Variants in SHISA6 observed in about 807,000 individuals in gnomAD.
SHISA6 encodes shisa family member 6, also known as protein shisa-6.
In SHISA6, 22 loss-of-function variants were observed where a neutral mutation model predicts 47.9. That is an observed-to-expected ratio of 0.46 (90% confidence interval 0.33 to 0.66). The LOEUF (loss-of-function observed/expected upper bound fraction) is 0.66, where lower values mean the gene tolerates loss of function less well. SHISA6 is among the 30% of genes least tolerant of loss of function. The pLI, the probability that SHISA6 is intolerant of heterozygous loss-of-function variation, is 0.02. For synonymous variants in SHISA6, 388 were observed against 337.8 expected (o/e 1.15, Z -1.63); for missense variants, 680 against 764.6 (o/e 0.89, Z 1.30).
chr17:11,278,026 G>A (rs973801148), intron 2 of SHISA6, among the ~76,000 whole-genome samples: 9 of 152,154 alleles, frequency 5.9e-5, no homozygotes, highest in African/African-American at 2.2e-4. Flanking sequence ...TTAATGATTT[G>A]TGTCACAGTG....
At chr17:11,355,699 A>T (rs539654216) in intron 2 of SHISA6, among the ~76,000 whole-genome samples, 10 of 152,374 alleles carry the variant, frequency 6.6e-5, no homozygotes, top group African/African-American at 2.4e-4. Context: ...AACTCAATTG[A>T]AAACTGGCTG....
intron 3 of SHISA6, 88 bp from the exon 4 acceptor site, chr17:11,551,808 A>T (rs2071934077): frequency 8.5e-7 from 1 of 1,174,104 alleles, no homozygotes; most frequent in South Asian, 1.3e-5. Context: ...AGAGAAGCAC[A>T]TTAGAGGTAA....
At position 11,281,516 on chromosome 17, in the gene SHISA6, A is replaced by G. The variant is rs188486381; in HGVS notation, c.799+17990A>G. Among the ~76,000 whole-genome samples the G allele has an allele frequency of 8.6e-4, 131 of 152,266 alleles. No homozygotes were observed. The Middle Eastern group carries it at 0.01, about 12-fold the overall frequency. On this transcript the variant is annotated intron_variant, in intron 2 of 5. Transcript: ENST00000441885. Reference sequence around the variant, plus strand: ...AAGATAAATCTTACTTGGTCATAATATCTTACCATTTTTATATATTATTAT... The same window carrying G: ...AAGATAAATCTTACTTGGTCATAATGTCTTACCATTTTTATATATTATTAT...
intron 3 of SHISA6, among the ~76,000 whole-genome samples, chr17:11,467,180 G>A (rs1258059095): frequency 6.6e-6 from 1 of 152,162 alleles, no homozygotes; most frequent in Non-Finnish European, 1.5e-5. Flanking sequence ...TCCGTCATAA[G>A]TATTCATTCA....
intron 2 of SHISA6, among the ~76,000 whole-genome samples, chr17:11,369,469 C>T (rs189360025): frequency 1.2e-4 from 18 of 152,262 alleles, no homozygotes; most frequent in African/African-American, 4.1e-4. Flanking sequence ...ACTCATAGGA[C>T]GCTCAGTGTT....
intron 2 of SHISA6, among the ~76,000 whole-genome samples, chr17:11,282,278 C>G (rs1033932931): frequency 9.9e-5 from 15 of 152,136 alleles, no homozygotes; most frequent in Non-Finnish European, 1.6e-4. Context: ...ACTTGTTGCC[C>G]AGATTTTTAA....
At chr17:11,298,742 A>G (rs1431136227) in intron 2 of SHISA6, among the ~76,000 whole-genome samples, 1 of 152,210 alleles carries the variant, frequency 6.6e-6, no homozygotes, top group Non-Finnish European at 1.5e-5. Flanking sequence ...GGGAAGGCAC[A>G]GTGAGAACCA....
At chr17:11,402,295 G>C (rs1342346400) in intron 3 of SHISA6, among the ~76,000 whole-genome samples, 1 of 152,148 alleles carries the variant, frequency 6.6e-6, no homozygotes, top group Non-Finnish European at 1.5e-5. Flanking sequence ...AGAGGCCCAG[G>C]GATTGTTTAA....
chr17:11,331,554 T>C (rs556800483), intron 2 of SHISA6, among the ~76,000 whole-genome samples: 9 of 152,262 alleles, frequency 5.9e-5, no homozygotes, highest in Admixed American at 2.0e-4. Flanking sequence ...ATAAAAACAA[T>C]GCACAGCTAA....
At chr17:11,285,843 T>C (rs1909278356) in intron 2 of SHISA6, among the ~76,000 whole-genome samples, 1 of 151,170 alleles carries the variant, frequency 6.6e-6, no homozygotes, top group South Asian at 2.1e-4. Context: ...CTCTCTTTTT[T>C]TTTTTTTTTT....
chr17:11,448,021 A>G (rs549604251), intron 3 of SHISA6, among the ~76,000 whole-genome samples: 1 of 152,266 alleles, frequency 6.6e-6, no homozygotes, highest in South Asian at 2.1e-4. Flanking sequence ...GTGACAGTCG[A>G]TCGTGACTCA....
chr17:11,552,522 A>G (rs2071940270), intron 4 of SHISA6, among the ~76,000 whole-genome samples: 1 of 152,236 alleles, frequency 6.6e-6, no homozygotes, highest in South Asian at 2.1e-4. Flanking sequence ...AGCTGAACAG[A>G]GAAAATCTAT....
At chr17:11,477,868 T>C in intron 3 of SHISA6, among the ~76,000 whole-genome samples, 1 of 150,918 alleles carries the variant, frequency 6.6e-6, no homozygotes, top group Non-Finnish European at 1.5e-5. Flanking sequence ...TGAATAATGC[T>C]GCAATAAACA....
intron 3 of SHISA6, among the ~76,000 whole-genome samples, chr17:11,407,419 C>T (rs1343912075): frequency 6.6e-6 from 1 of 152,040 alleles, no homozygotes; most frequent in Non-Finnish European, 1.5e-5. Context: ...AGACCTAACT[C>T]GACCCCGGAA....
At chr17:11,514,157 C>A (rs2071563629) in intron 3 of SHISA6, among the ~76,000 whole-genome samples, 1 of 152,114 alleles carries the variant, frequency 6.6e-6, no homozygotes, top group Non-Finnish European at 1.5e-5. Context: ...CCCTATTGTA[C>A]CTTAGCTGTG....
chr17:11,525,995 G>A (rs1226442377), intron 3 of SHISA6, among the ~76,000 whole-genome samples: 1 of 145,480 alleles, frequency 6.9e-6, no homozygotes, highest in Non-Finnish European at 1.5e-5. Context: ...GGCAACAAGC[G>A]AGACCCTATC....
At chr17:11,253,823 G>T (rs1335932957) in intron 1 of SHISA6, among the ~76,000 whole-genome samples, 2 of 152,072 alleles carry the variant, frequency 1.3e-5, no homozygotes, top group Non-Finnish European at 2.9e-5. Flanking sequence ...ACATCCTTGT[G>T]CTCGCTTTTC....
intron 2 of SHISA6, among the ~76,000 whole-genome samples, chr17:11,372,683 A>T (rs1462845069): frequency 2.6e-5 from 4 of 151,794 alleles, no homozygotes; most frequent in South Asian, 4.2e-4. Flanking sequence ...AAACAAAGGG[A>T]AAAGGCCTTT....
intron 3 of SHISA6, among the ~76,000 whole-genome samples, chr17:11,442,180 G>T (rs1029173115): frequency 1.3e-5 from 2 of 152,192 alleles, no homozygotes; most frequent in Non-Finnish European, 2.9e-5. Context: ...TCATGTCTTA[G>T]TATGGTTGTC....
Sources: allele counts gnomAD v4.1 joint callset (sites outside exome capture counted in the v4.1 genomes callset), GRCh38; gene constraint gnomAD v4.1.1; transcripts MANE v1.5; gene names NCBI Gene and HGNC (gene_info 2026-07-23, HGNC 2026-07-21).